NEDD9: variants seen among roughly 807,000 people sequenced by gnomAD.
NEDD9 encodes the protein neural precursor cell expressed, developmentally down-regulated 9.
Under a neutral mutation model 76.6 loss-of-function variants are expected in NEDD9, and 26 were observed. The observed-to-expected ratio is 0.34, with a 90% CI of 0.25 to 0.47. The LOEUF (loss-of-function observed/expected upper bound fraction) is 0.47. NEDD9 is among the 20% of genes least tolerant of loss of function. The pLI, the probability that NEDD9 is intolerant of heterozygous loss-of-function variation, is 1.00. For missense variants in NEDD9, 937 were observed against 1,058.5 expected, an observed-to-expected ratio of 0.89 and a Z score of 1.59; for synonymous variants, 392 against 414.2, an observed-to-expected ratio of 0.95 and a Z score of 0.65.
At chr6:11,321,281 A>G (rs1426109498) in intron 2 of NEDD9, among the ~76,000 whole-genome samples, 1 of 152,132 alleles carries the variant, frequency 6.6e-6, no homozygotes, top group Non-Finnish European at 1.5e-5. Flanking sequence ...CTTAACAAAT[A>G]AAAGCGAAGG....
At chr6:11,231,544 T>C (rs540408334) in intron 1 of NEDD9, among the ~76,000 whole-genome samples, 3 of 152,302 alleles carry the variant, frequency 2.0e-5, no homozygotes, top group East Asian at 3.9e-4. Context: ...CCCAAATCCA[T>C]CTTAATAATA....
intron 1 of NEDD9, among the ~76,000 whole-genome samples, chr6:11,229,129 C>G (rs1561798225): frequency 6.6e-6 from 1 of 152,208 alleles, no homozygotes; most frequent in African/African-American, 2.4e-5. Context: ...CTTTCCCTGA[C>G]CTACCCCATT....
At chr6:11,340,616 A>T (rs1276733000) in intron 1 of NEDD9, among the ~76,000 whole-genome samples, 5 of 152,212 alleles carry the variant, frequency 3.3e-5, no homozygotes, top group African/African-American at 1.2e-4. Context: ...GTGATCTTCC[A>T]CACTAAGGTA....
chr6:11,354,526 G>A (rs183773565), intron 1 of NEDD9, among the ~76,000 whole-genome samples: 187 of 152,304 alleles, frequency 1.2e-3, no homozygotes, highest in African/African-American at 4.4e-3. Context: ...TGGGGATAGA[G>A]GAAGACATGG....
rs201094930 is a variant in NEDD9, at chr6:11,319,427, T to C, written c.-152-13272A>G. ...ATGCACCCTCACATACAGTCACACATGCACACTCACACACTAACATGTACA... is the reference window on the plus strand; with the variant it reads ...ATGCACCCTCACATACAGTCACACACGCACACTCACACACTAACATGTACA... On this transcript the variant is annotated intron_variant, in intron 2 of 3. Transcript: ENST00000397378. Among the ~76,000 whole-genome samples the C allele has an allele frequency of 3.3e-5, 5 of 149,758 alleles. No individual in the cohort carries two copies. The South Asian group carries it at 6.4e-4, about 19-fold the overall frequency.
intron 2 of NEDD9, among the ~76,000 whole-genome samples, chr6:11,326,391 A>G (rs1761928196): frequency 6.6e-6 from 1 of 152,236 alleles, no homozygotes; most frequent in African/African-American, 2.4e-5. Flanking sequence ...TGAGAGTGGT[A>G]CTGATCTACC....
At chr6:11,258,274 C>A (rs1205583517) in intron 3 of NEDD9, among the ~76,000 whole-genome samples, 1 of 152,186 alleles carries the variant, frequency 6.6e-6, no homozygotes, top group African/African-American at 2.4e-5. Context: ...GGCTCAGGGG[C>A]TGAACCAGGC....
chr6:11,355,792 C>T (rs188520043), intron 1 of NEDD9, among the ~76,000 whole-genome samples: 184 of 152,220 alleles, frequency 1.2e-3, no homozygotes, highest in African/African-American at 4.3e-3. Context: ...GCGATCTCCG[C>T]TCACTGCAAG....
chr6:11,333,842 C>G (rs903834867), intron 2 of NEDD9, among the ~76,000 whole-genome samples: 1 of 152,238 alleles, frequency 6.6e-6, no homozygotes, highest in Non-Finnish European at 1.5e-5. Context: ...CTGAACAGTG[C>G]TTATGTTCAC....
chr6:11,349,357 G>A (rs1381989334), intron 1 of NEDD9, among the ~76,000 whole-genome samples: 5 of 152,196 alleles, frequency 3.3e-5, no homozygotes, highest in Admixed American at 2.6e-4. Context: ...GGAAAGCAGC[G>A]TGGTGATTTC....
intron 3 of NEDD9, among the ~76,000 whole-genome samples, chr6:11,255,708 C>T (rs1477210271): frequency 6.6e-6 from 1 of 152,012 alleles, no homozygotes; most frequent in Non-Finnish European, 1.5e-5. Flanking sequence ...TGGAGCCATG[C>T]GAGGCCTTTT....
In NEDD9 at chr6:11,213,566, G is replaced by A; in HGVS notation, c.174C>T (p.Asn58=). 1 of 1,614,132 alleles carries A rather than the reference G, an allele frequency of 6.2e-7. No individual in the cohort carries two copies. The highest frequency in any genetic ancestry group is 8.5e-7 in the Non-Finnish European group (1 of 1,180,012). Residue 58 remains asparagine, a synonymous_variant, in exon 2 of 7, where the codon AAC becomes AAT. Coordinates refer to ENST00000379446, the MANE Select transcript of NEDD9 (RefSeq NM_006403.4). This position sits in a 1 kb window ranked among gnomAD's most constrained non-coding sequence, Gnocchi z 5.4. ...TGGGACCAATCAGAAGCTTCACCCG[G>A]TTGCCTGGGACAATGCCTTGCCGAC... ...LHGRQGIVPG[N]RVKLLIGPMQ... is the part of the protein sequence containing the mutation.
Position 11,252,521 on chromosome 6 carries a change from G to C in NEDD9, c.13-38794C>G, listed in dbSNP as rs1453729558. On this transcript the variant is annotated intron_variant, in intron 3 of 3. Coordinates refer to the NEDD9 transcript ENST00000397378. The surrounding 1 kb of genome is among the most constrained non-coding windows in gnomAD (Gnocchi z 4.3). ...AACACAGCCCACAGCTACCTCCCAT[G>C]CCTCCTGGAAGCACCCCCTTCCATG... Among the ~76,000 whole-genome samples, 1 of 152,120 alleles carries C rather than the reference G, an allele frequency of 6.6e-6. No individual in the cohort carries two copies. The highest frequency in any genetic ancestry group is 1.9e-4 in the East Asian group (1 of 5,204).
At chr6:11,321,681 G>C (rs1043238007) in intron 2 of NEDD9, among the ~76,000 whole-genome samples, 1 of 152,110 alleles carries the variant, frequency 6.6e-6, no homozygotes, top group African/African-American at 2.4e-5. Context: ...ACTTTTTGCT[G>C]GAAAGTACAT....
intron 1 of NEDD9, among the ~76,000 whole-genome samples, chr6:11,225,071 G>T (rs1759269794): frequency 6.6e-6 from 1 of 152,038 alleles, no homozygotes; most frequent in South Asian, 2.1e-4. Flanking sequence ...CTTTCTACTG[G>T]GTTTCACAGA....
chr6:11,189,022 C>A (rs1259033184), intron 5 of NEDD9, among the ~76,000 whole-genome samples: 1 of 151,556 alleles, frequency 6.6e-6, no homozygotes, highest in African/African-American at 2.4e-5. Context: ...TCTTAGCTCA[C>A]TGCAACCTCC....
At chr6:11,216,952 T>G (rs116661817) in intron 1 of NEDD9, among the ~76,000 whole-genome samples, 2,959 of 152,318 alleles carry the variant, frequency 0.019, 95 homozygotes, top group African/African-American at 0.068. Context: ...TGCAACCTCT[T>G]GTTGAGTATC....
At chr6:11,271,775 G>A (rs756706422) in intron 3 of NEDD9, 1 of 152,146 alleles carries the variant, frequency 6.6e-6, no homozygotes, top group African/African-American at 2.4e-5. Context: ...CCATTCCAAG[G>A]TTTTGACTTC....
intron 3 of NEDD9, among the ~76,000 whole-genome samples, chr6:11,286,561 C>A (rs1760653518): frequency 6.6e-6 from 1 of 152,142 alleles, no homozygotes; most frequent in African/African-American, 2.4e-5. Context: ...CAACTGGGAA[C>A]AAACCAAATA....
Sources: allele counts gnomAD v4.1 joint callset (sites outside exome capture counted in the v4.1 genomes callset), GRCh38; gene constraint gnomAD v4.1.1; non-coding constraint Gnocchi (gnomAD v3.1); transcripts MANE v1.5; gene names NCBI Gene and HGNC (gene_info 2026-07-23, HGNC 2026-07-21).